The following ANKFN1 variants were observed in gnomAD, a reference collection of about 807,000 sequenced individuals.
The protein encoded by ANKFN1 is ankyrin repeat and fibronectin type III domain containing 1.
A neutral mutation model predicts 108.7 loss-of-function variants in ANKFN1; 74 were observed. That is an observed-to-expected ratio of 0.68 (90% confidence interval 0.56 to 0.83). ANKFN1 has a LOEUF of 0.83. Ranked by LOEUF, ANKFN1 falls within the 40% of genes least tolerant of loss-of-function variation. The probability of loss-of-function intolerance (pLI) is 0.00; values close to 1 mark genes in which losing one functional copy is unlikely to be tolerated. For missense variants in ANKFN1, 1,505 were observed against 1,382.3 expected, an observed-to-expected ratio of 1.09 and a Z score of -1.41; for synonymous variants, 547 against 516.2, an observed-to-expected ratio of 1.06 and a Z score of -0.81.
In ANKFN1 at chr17:56,492,868, C is replaced by T. The variant is rs1240991410; in HGVS notation, c.2427+515C>T. On this transcript the variant is annotated intron_variant, in intron 19 of 20. Coordinates refer to ENST00000682825, the MANE Select transcript of ANKFN1 (RefSeq NM_001370326.1). The stretch of plus-strand genomic sequence containing the variant: ...AGATCAGAAAATGTGTTCCCCTTCC[C>T]ATGGTCTTTTCTGGTAAAGCCTATG... Among the ~76,000 whole-genome samples, 5 of 152,236 alleles carry T rather than the reference C, an allele frequency of 3.3e-5. No individual in the cohort carries two copies. The East Asian group carries it at 9.6e-4, about 29-fold the overall frequency.
At chr17:56,141,891 G>A (rs1010308402) in intron 4 of ANKFN1, among the ~76,000 whole-genome samples, 3 of 148,418 alleles carry the variant, frequency 2.0e-5, no homozygotes, top group Non-Finnish European at 4.5e-5. Context: ...GAGTGTGTAA[G>A]ATAGCCCCCT....
At chr17:56,172,170 T>C (rs1210403286) in intron 1 of ANKFN1, among the ~76,000 whole-genome samples, 1 of 152,180 alleles carries the variant, frequency 6.6e-6, no homozygotes, top group Non-Finnish European at 1.5e-5. Flanking sequence ...CTCAACGTGA[T>C]AAATAACTCT....
intron 4 of ANKFN1, among the ~76,000 whole-genome samples, chr17:56,115,283 T>C (rs1260942711): frequency 6.6e-6 from 1 of 152,154 alleles, no homozygotes; most frequent in Non-Finnish European, 1.5e-5. Flanking sequence ...TGATGAACAA[T>C]TGCAGGGACT....
chr17:56,392,221 G>T (rs1440453394), intron 8 of ANKFN1, among the ~76,000 whole-genome samples: 1 of 152,186 alleles, frequency 6.6e-6, no homozygotes, highest in Non-Finnish European at 1.5e-5. Context: ...ATAATAAGTA[G>T]GGGCTGAGCA....
chr17:56,382,564 G>C (rs2047137100), intron 8 of ANKFN1, among the ~76,000 whole-genome samples: 1 of 152,198 alleles, frequency 6.6e-6, no homozygotes, highest in South Asian at 2.1e-4. Context: ...ACCCATCAGT[G>C]TGCTGTATTC....
At chr17:56,065,717 T>A (rs1246253643) in intron 4 of ANKFN1, among the ~76,000 whole-genome samples, 1 of 152,174 alleles carries the variant, frequency 6.6e-6, no homozygotes, top group Non-Finnish European at 1.5e-5. Flanking sequence ...ATTTAAGTTA[T>A]CTGTCTCATA....
At chr17:56,064,035 T>G (rs906303302) in intron 4 of ANKFN1, among the ~76,000 whole-genome samples, 12 of 152,148 alleles carry the variant, frequency 7.9e-5, no homozygotes, top group Admixed American at 2.6e-4. Flanking sequence ...GGGGTTCACT[T>G]CAGGCCCTAT....
chr17:56,089,895 G>A lies in ANKFN1; in HGVS notation c.288+43570G>A, dbSNP rs552743534. On this transcript the variant is annotated intron_variant, in intron 4 of 12. Transcript: ENST00000635860. ...ATGATAATAACCTTGTACTTGGCAC[G>A]TATTGGCTGGAAAATGGCATCTACT... Among the ~76,000 whole-genome samples, 12 of 151,272 alleles carry A rather than the reference G, an allele frequency of 7.9e-5. 1 individual carries two copies. The highest frequency in any genetic ancestry group is 1.3e-4 in the Non-Finnish European group (9 of 67,748).
intron 3 of ANKFN1, among the ~76,000 whole-genome samples, chr17:56,308,216 A>G (rs1225200375): frequency 6.7e-6 from 1 of 149,730 alleles, no homozygotes; most frequent in Admixed American, 6.7e-5. Flanking sequence ...GTGCACATGT[A>G]CCCTACAACT....
chr17:56,258,644 C>T (rs1007110023), intron 3 of ANKFN1, among the ~76,000 whole-genome samples: 4 of 152,178 alleles, frequency 2.6e-5, no homozygotes, highest in African/African-American at 9.7e-5. Flanking sequence ...GGCGCGGTGG[C>T]TCATGCCTGT....
At chr17:56,447,656 C>CTGA (rs1222841205) in intron 10 of ANKFN1, among the ~76,000 whole-genome samples, 2 of 152,152 alleles carry the variant, frequency 1.3e-5, no homozygotes, top group African/African-American at 4.8e-5. Flanking sequence ...AGGTAATCAG[C>CTGA]TGATAGGGTA....
intron 4 of ANKFN1, among the ~76,000 whole-genome samples, chr17:56,104,380 A>G (rs1015050862): frequency 2.6e-5 from 4 of 152,222 alleles, no homozygotes; most frequent in African/African-American, 7.2e-5. Flanking sequence ...CAAGCTCCTC[A>G]TTTCATAGAT....
chr17:56,499,790 A>C (rs1025062212), intron 20 of ANKFN1, among the ~76,000 whole-genome samples: 2 of 152,216 alleles, frequency 1.3e-5, no homozygotes, highest in African/African-American at 2.4e-5. Context: ...CTCTATGCTT[A>C]TAAGCAGAAA....
intron 12 of ANKFN1, 109 bp from the exon 13 acceptor site, chr17:56,457,148 G>A (rs2049734107): frequency 3.4e-6 from 4 of 1,193,420 alleles, no homozygotes; most frequent in Admixed American, 5.1e-5. Flanking sequence ...ATGATACTTA[G>A]CAGGAATACG....
chr17:56,381,250 A>G (rs1012171464), intron 8 of ANKFN1, among the ~76,000 whole-genome samples: 17 of 152,202 alleles, frequency 1.1e-4, no homozygotes, highest in African/African-American at 1.4e-4. Flanking sequence ...AGGAAAACTA[A>G]CAAACACAAA....
intron 6 of ANKFN1, among the ~76,000 whole-genome samples, chr17:56,358,378 C>T (rs1259788629): frequency 6.6e-6 from 1 of 152,102 alleles, no homozygotes; most frequent in Admixed American, 6.5e-5. Context: ...CTATCTTGAA[C>T]CCCTCGATGC....
At chr17:56,153,058 C>T (rs766110379), upstream of ANKFN1, among the ~76,000 whole-genome samples, 1 of 152,102 alleles carries the variant, frequency 6.6e-6, no homozygotes, top group African/African-American at 2.4e-5. Flanking sequence ...ATTCAGCATC[C>T]GCAGAAGGAG....
intron 4 of ANKFN1, among the ~76,000 whole-genome samples, chr17:56,132,647 T>C (rs1907351528): frequency 6.6e-6 from 1 of 152,092 alleles, no homozygotes; most frequent in Non-Finnish European, 1.5e-5. Context: ...ATAAGTAACA[T>C]AAATTTATTT....
intron 3 of ANKFN1, among the ~76,000 whole-genome samples, chr17:56,302,265 C>G (rs1164693409): frequency 3.9e-5 from 6 of 152,138 alleles, no homozygotes; most frequent in African/African-American, 9.7e-5. Flanking sequence ...AGAAAAATGC[C>G]GGTAATCCCG....
Sources: gnomAD v4.1 joint callset for allele counts (sites outside exome capture counted in the v4.1 genomes callset) on GRCh38, gnomAD v4.1.1 for gene constraint, MANE v1.5 for transcripts, NCBI Gene and HGNC (gene_info 2026-07-23, HGNC 2026-07-21) for gene names.